The following MOK variants were observed in gnomAD, a reference collection of about 807,000 sequenced individuals.
MOK encodes MAPK/MAK/MRK overlapping kinase.
In MOK, 59 loss-of-function variants were observed where a neutral mutation model predicts 54.2. The ratio of observed to expected loss-of-function variants is 1.09; its 90% confidence interval spans 0.88 to 1.35. MOK has a LOEUF of 1.35. Ranked by LOEUF, MOK falls within the 40% of genes most tolerant of loss-of-function variation. The pLI, the probability that MOK is intolerant of heterozygous loss-of-function variation, is 0.00. For missense variants in MOK, 517 were observed against 526.2 expected, an observed-to-expected ratio of 0.98 and a Z score of 0.17; for synonymous variants, 210 against 202.7, an observed-to-expected ratio of 1.04 and a Z score of -0.31.
At chr14:102,243,523 A>G (rs1319261601) in intron 7 of MOK, among the ~76,000 whole-genome samples, 1 of 152,196 alleles carries the variant, frequency 6.6e-6, no homozygotes, top group Admixed American at 6.5e-5. Context: ...TCAAAATCAC[A>G]AACTATGCTC....
Position 102,305,006 on chromosome 14 carries a change from C to T in MOK, c.-38G>A, listed in dbSNP as rs747555861. The T allele has an allele frequency of 1.1e-5, 17 of 1,607,898 alleles. No individual in the cohort carries two copies. The highest frequency in any genetic ancestry group is 1.1e-5 in the South Asian group (1 of 89,558). On this transcript the variant is annotated 5_prime_UTR_variant, in exon 1 of 12. In the 5' UTR this introduces an upstream ATG that the reference lacks. Coordinates refer to ENST00000361847, the MANE Select transcript of MOK (RefSeq NM_014226.3). ...AGCCGGTGACAACCCCTTGCCGACA[C>T]TGGACGGAAAAGAAAGAAGCAGGAA... is the stretch of plus-strand genomic sequence containing the variant.
downstream of MOK, chr14:102,226,474 G>A: frequency 2.9e-6 from 2 of 701,432 alleles, no homozygotes; most frequent in Non-Finnish European, 2.6e-6. This position sits in a 1 kb window ranked among gnomAD's most constrained non-coding sequence, Gnocchi z 4.8. Flanking sequence ...CGGCCAGCCA[G>A]GGTTCACGAG....
intron 2 of MOK, chr14:102,277,188 A>T (rs1398638203): frequency 6.6e-6 from 1 of 152,000 alleles, no homozygotes; most frequent in Non-Finnish European, 1.5e-5. Flanking sequence ...CACCACACCC[A>T]GCCTAAGAAG....
downstream of MOK, chr14:102,226,428 G>T (rs956539561): frequency 1.4e-6 from 1 of 702,962 alleles, no homozygotes; most frequent in Non-Finnish European, 2.6e-6. The surrounding 1 kb of genome is among the most constrained non-coding windows in gnomAD (Gnocchi z 4.8). Context: ...TAATTCAAGC[G>T]CTTCAATTGC....
intron 2 of MOK, among the ~76,000 whole-genome samples, chr14:102,275,508 G>A (rs1680846276): frequency 1.4e-5 from 2 of 147,232 alleles, no homozygotes; most frequent in African/African-American, 2.6e-5. Flanking sequence ...AGCTTGCAGT[G>A]AGCAGAGATA....
In MOK at chr14:102,232,771, T is replaced by G; in HGVS notation, c.693-63A>C. ...GTCACTGAGCGCACCGGTGGTCCAC[T>G]GTCACAACTAAGGGCCCTGTGTGGT... On this transcript the variant is annotated intron_variant, in intron 8 of 11. Transcript: ENST00000361847. The surrounding 1 kb of genome is among the most constrained non-coding windows in gnomAD (Gnocchi z 5.1). The G allele has an allele frequency of 6.9e-7, 1 of 1,458,092 alleles. No homozygotes were observed. 90.3% of individuals were successfully genotyped at this position (1,458,092 alleles called of 1,614,324 possible).
At chr14:102,218,491 C>T in the MOK span, among the ~76,000 whole-genome samples, 4,660 of 152,344 alleles carry the variant, frequency 0.031, 203 homozygotes, top group African/African-American at 0.093. Flanking sequence ...CCAGTCCGAG[C>T]AGCACCTGCA....
chr14:102,304,939 C>T (rs768264742), intron 1 of MOK, 23 bp downstream of exon 1: 6 of 1,601,984 alleles, frequency 3.7e-6, no homozygotes, highest in Non-Finnish European at 5.1e-6. Context: ...CCAGTCCCTG[C>T]CCCTTTCCCC....
chr14:102,293,701 CAAAAAAAAAAAA>C (rs10598736), intron 1 of MOK, among the ~76,000 whole-genome samples: 2 of 54,598 alleles, frequency 3.7e-5, no homozygotes, highest in East Asian at 9.7e-4. Context: ...AACTCCATCA[CAAAAAAAAAAAA>C]AAAAAAAAAA....
rs2065991205 is a variant in MOK, at chr14:102,245,106, C to T, written c.590+5706G>A. On this transcript the variant is annotated intron_variant, in intron 7 of 11. Transcript: ENST00000361847. This position sits in a 1 kb window ranked among gnomAD's most constrained non-coding sequence, Gnocchi z 4.3. ...TGTTTTTCTCCTTCTCTTATTTGGA[C>T]CTTGTGTCTTCCGTTTAGCTCTCAA... Among the ~76,000 whole-genome samples the T allele has an allele frequency of 6.6e-6, 1 of 152,128 alleles. No homozygotes were observed. Among genetic ancestry groups the T allele is most frequent in the African/African-American group, 2.4e-5 (1 of 41,424 alleles).
chr14:102,248,260 T>A (rs973582110), intron 7 of MOK, among the ~76,000 whole-genome samples: 1 of 152,188 alleles, frequency 6.6e-6, no homozygotes, highest in Non-Finnish European at 1.5e-5. Context: ...CAAGCCTCTT[T>A]ACATTTCTAA....
intron 1 of MOK, among the ~76,000 whole-genome samples, chr14:102,294,445 CAAAAAAAAA>C (rs540805039): frequency 1.6e-5 from 1 of 64,054 alleles, no homozygotes; most frequent in African/African-American, 5.6e-5. Context: ...GACTCCGTCT[CAAAAAAAAA>C]AAAAAAAAAA....
chr14:102,223,011 G>T, downstream of MOK: 1 of 1,127,100 alleles, frequency 8.9e-7, no homozygotes. Context: ...CGATAGCCGT[G>T]TGGACGGTGA....
chr14:102,257,126 A>G (rs2067028436), intron 4 of MOK, among the ~76,000 whole-genome samples: 1 of 150,782 alleles, frequency 6.6e-6, no homozygotes, highest in South Asian at 2.1e-4. Context: ...TGAACGTCCA[A>G]ATGACATTCT....
intron 2 of MOK, chr14:102,283,265 G>T: frequency 2.5e-6 from 1 of 398,496 alleles, no homozygotes; most frequent in Non-Finnish European, 4.5e-6. Flanking sequence ...AAACTTTTTT[G>T]TGGTCATTCA....
intron 1 of MOK, among the ~76,000 whole-genome samples, chr14:102,298,938 G>A (rs1354184517): frequency 1.3e-5 from 2 of 152,158 alleles, no homozygotes; most frequent in Non-Finnish European, 2.9e-5. Flanking sequence ...GCGAAGGTCT[G>A]CAGCTTCACT....
intron 4 of MOK, among the ~76,000 whole-genome samples, chr14:102,256,597 C>T (rs1485745967): frequency 1.3e-5 from 2 of 151,658 alleles, no homozygotes; most frequent in African/African-American, 2.4e-5. Context: ...TTTTTTTGTA[C>T]AGACAGAGTC....
rs746805923 is a variant in MOK, at chr14:102,229,546, T to C, written c.1093A>G (p.Ser365Gly). ...SGVVRLSSYS[S>G]PTLQSVLGSG... Reference sequence around the variant, plus strand: ...CCAAGCACGGACTGCAGCGTGGGGCTGGAGTAAGACGACAGTCTGACCACT... The same window carrying C: ...CCAAGCACGGACTGCAGCGTGGGGCCGGAGTAAGACGACAGTCTGACCACT... The change falls in exon 11 of 12, where the codon AGC becomes GGC. Residue 365 changes from serine to glycine, a missense_variant. Ser to Gly is a moderately conservative substitution (Grantham distance 56). Transcript: ENST00000361847. The C allele has an allele frequency of 6.2e-7, 1 of 1,614,192 alleles. No homozygotes were observed. Among genetic ancestry groups the C allele is most frequent in the Non-Finnish European group, 8.5e-7 (1 of 1,180,040 alleles).
chr14:102,302,603 G>T (rs138376374), intron 1 of MOK, among the ~76,000 whole-genome samples: 1 of 151,394 alleles, frequency 6.6e-6, no homozygotes, highest in African/African-American at 2.4e-5. Flanking sequence ...TTTTAGTAGA[G>T]CCGGGGTTTC....
Sources: allele counts gnomAD v4.1 joint callset (sites outside exome capture counted in the v4.1 genomes callset), GRCh38; gene constraint gnomAD v4.1.1; non-coding constraint Gnocchi (gnomAD v3.1); transcripts MANE v1.5; gene names NCBI Gene and HGNC (gene_info 2026-07-23, HGNC 2026-07-21).